Variants in FHIT observed in about 807,000 individuals in gnomAD.
FHIT encodes the protein bis(5'-adenosyl)-triphosphatase.
A neutral mutation model predicts 17.9 loss-of-function variants in FHIT; 19 were observed. That is an observed-to-expected ratio of 1.06 (90% CI 0.74 to 1.56). The LOEUF is 1.56. Among genes scored for constraint, FHIT ranks in the 40% most tolerant of loss-of-function variants. FHIT has a pLI of 0.00. For missense variants in FHIT, 248 were observed against 189.2 expected (o/e 1.31, Z -1.82); for synonymous variants, 81 against 69.7 (o/e 1.16, Z -0.81).
intron 8 of FHIT, among the ~76,000 whole-genome samples, chr3:59,783,920 C>T (rs1702720576): frequency 6.6e-6 from 1 of 152,150 alleles, no homozygotes; most frequent in Non-Finnish European, 1.5e-5. Context: ...CCCTGGTTTG[C>T]AGACATTATT....
At chr3:60,033,853 A>G (rs1044656656) in intron 5 of FHIT, among the ~76,000 whole-genome samples, 35 of 152,214 alleles carry the variant, frequency 2.3e-4, no homozygotes, top group African/African-American at 6.8e-4. Flanking sequence ...GTTAATTAGC[A>G]AGTATTAGCA....
At chr3:60,740,929 T>C (rs1236975425) in intron 4 of FHIT, among the ~76,000 whole-genome samples, 1 of 152,192 alleles carries the variant, frequency 6.6e-6, no homozygotes, top group Non-Finnish European at 1.5e-5. Context: ...TTTTGTTTTG[T>C]TTTTTGTTTT....
rs919629289 is a variant in FHIT at position 60,512,769 on chromosome 3, G to A, written c.103+24091C>T. 2.0e-5 allele frequency among the ~76,000 whole-genome samples: 3 copies of A among 152,120 alleles called. No homozygotes were observed. In the South Asian group the frequency reaches 6.2e-4, roughly 32 times the overall value. On this transcript the variant is annotated intron_variant, in intron 5 of 9. Transcript: ENST00000492590. ...CGAATCAGGAGAAAACAATGAGATGGATCAAGATAGTAGGCTGTTGCATGG... is the reference window on the plus strand; with the variant it reads ...CGAATCAGGAGAAAACAATGAGATGAATCAAGATAGTAGGCTGTTGCATGG...
At chr3:60,044,901 G>A (rs779227238) in intron 5 of FHIT, among the ~76,000 whole-genome samples, 1 of 152,072 alleles carries the variant, frequency 6.6e-6, no homozygotes, top group Non-Finnish European at 1.5e-5. Flanking sequence ...TGAAAGAAAA[G>A]CCCAGAGCCA....
intron 5 of FHIT, among the ~76,000 whole-genome samples, chr3:60,337,855 T>C (rs192068768): frequency 1.1e-4 from 17 of 152,284 alleles, no homozygotes; most frequent in African/African-American, 3.8e-4. Flanking sequence ...AGAAAACAGT[T>C]TGCATTCCTG....
chr3:59,942,729 G>T (rs547073328), intron 7 of FHIT, among the ~76,000 whole-genome samples: 1 of 152,150 alleles, frequency 6.6e-6, no homozygotes, highest in South Asian at 2.1e-4. Context: ...GCTCTCTGCA[G>T]CCTCTACCTC....
intron 3 of FHIT, among the ~76,000 whole-genome samples, chr3:60,854,904 C>T (rs1703316193): frequency 6.6e-6 from 1 of 152,140 alleles, no homozygotes; most frequent in Non-Finnish European, 1.5e-5. Flanking sequence ...AGGGAACAAC[C>T]AATGCCTACC....
At chr3:59,952,595 A>G (rs1454973080) in intron 7 of FHIT, among the ~76,000 whole-genome samples, 2 of 152,184 alleles carry the variant, frequency 1.3e-5, no homozygotes, top group African/African-American at 4.8e-5. Flanking sequence ...TAGAGGTGTC[A>G]CTTCAAGCTA....
At chr3:59,906,209 T>C (rs1401290564) in intron 8 of FHIT, among the ~76,000 whole-genome samples, 1 of 152,232 alleles carries the variant, frequency 6.6e-6, no homozygotes, top group Admixed American at 6.5e-5. Context: ...ATGGACACCA[T>C]AGCCCCAAGG....
intron 5 of FHIT, among the ~76,000 whole-genome samples, chr3:60,063,113 T>C (rs1218550360): frequency 6.6e-6 from 1 of 152,084 alleles, no homozygotes; most frequent in Non-Finnish European, 1.5e-5. Flanking sequence ...AAACAGACAC[T>C]TGGACAGAGA....
chr3:61,195,930 G>A (rs1335202925), intron 2 of FHIT, among the ~76,000 whole-genome samples: 10 of 151,890 alleles, frequency 6.6e-5, no homozygotes, highest in Non-Finnish European at 1.3e-4. Flanking sequence ...TTCCAAGAAA[G>A]ACAAAAAATT....
chr3:60,410,354 G>A (rs979768539), intron 5 of FHIT, among the ~76,000 whole-genome samples: 1 of 152,134 alleles, frequency 6.6e-6, no homozygotes, highest in African/African-American at 2.4e-5. Flanking sequence ...CTAAAGAGGA[G>A]AAAAGAAGAC....
At chr3:59,855,262 T>C (rs908382256) in intron 8 of FHIT, among the ~76,000 whole-genome samples, 5 of 152,222 alleles carry the variant, frequency 3.3e-5, no homozygotes, top group African/African-American at 1.2e-4. Flanking sequence ...ATGCCACATA[T>C]AAACCAACAG....
At chr3:60,793,308 CT>C (rs201439790) in intron 4 of FHIT, among the ~76,000 whole-genome samples, 131 of 146,728 alleles carry the variant, frequency 8.9e-4, no homozygotes, top group Non-Finnish European at 1.1e-3. Flanking sequence ...TTTTCTTTTT[CT>C]TTTTTTTTTT....
At chr3:60,964,467 C>T (rs1709614824) in intron 3 of FHIT, among the ~76,000 whole-genome samples, 1 of 152,100 alleles carries the variant, frequency 6.6e-6, no homozygotes, top group Admixed American at 6.6e-5. Context: ...GAATTTGATC[C>T]TGTCATTTTG....
intron 5 of FHIT, among the ~76,000 whole-genome samples, chr3:60,129,467 T>C (rs1334944053): frequency 6.6e-6 from 1 of 152,222 alleles, no homozygotes; most frequent in African/African-American, 2.4e-5. Context: ...CTTTTGTACC[T>C]ATCCATGTCA....
intron 5 of FHIT, among the ~76,000 whole-genome samples, chr3:60,501,341 A>C (rs17661314): frequency 0.11 from 16,848 of 152,238 alleles, 1,012 homozygotes; most frequent in African/African-American, 0.13. Context: ...TTAAACAGTA[A>C]TTTGAGTCAC....
At chr3:60,155,542 T>C (rs1041619496) in intron 5 of FHIT, among the ~76,000 whole-genome samples, 9 of 152,142 alleles carry the variant, frequency 5.9e-5, no homozygotes, top group African/African-American at 2.2e-4. Context: ...CTCATATCCA[T>C]GTGGGCCTGG....
chr3:59,962,480 G>T (rs1307532348), intron 7 of FHIT, among the ~76,000 whole-genome samples: 1 of 152,138 alleles, frequency 6.6e-6, no homozygotes, highest in African/African-American at 2.4e-5. Context: ...AAGCAGAATG[G>T]CCTAAAGAGG....
Sources: gnomAD v4.1 joint callset for allele counts (sites outside exome capture counted in the v4.1 genomes callset) on GRCh38, gnomAD v4.1.1 for gene constraint, MANE v1.5 for transcripts, NCBI Gene and HGNC (gene_info 2026-07-23, HGNC 2026-07-21) for gene names.